Variants in MAGI1 observed in about 807,000 individuals in gnomAD.
MAGI1 encodes membrane associated guanylate kinase, WW and PDZ domain containing 1.
MAGI1 carries 58 observed loss-of-function variants against 139.9 expected under a neutral mutation model. The ratio of observed to expected loss-of-function variants is 0.41; its 90% CI spans 0.34 to 0.52. The LOEUF is 0.52. MAGI1 is among the 20% of genes least tolerant of loss of function. MAGI1 has a pLI of 0.12. For synonymous variants in MAGI1, 812 were observed against 737.9 expected, an observed-to-expected ratio of 1.10 and a Z score of -1.63; for missense variants, 1,874 against 1,901.6, an observed-to-expected ratio of 0.99 and a Z score of 0.27.
intron 1 of MAGI1, among the ~76,000 whole-genome samples, chr3:66,025,101 G>C (rs2068180080): frequency 6.6e-6 from 1 of 152,148 alleles, no homozygotes; most frequent in African/African-American, 2.4e-5. Flanking sequence ...TATGAGGGTA[G>C]TCATCAATAT....
chr3:65,458,282 A>C (rs982560467), intron 5 of MAGI1, among the ~76,000 whole-genome samples: 1 of 151,948 alleles, frequency 6.6e-6, no homozygotes, highest in Non-Finnish European at 1.5e-5. Context: ...TATCTCTTCA[A>C]TATACTGATT....
intron 10 of MAGI1, among the ~76,000 whole-genome samples, chr3:65,435,556 T>C (rs1441953404): frequency 1.3e-5 from 2 of 152,092 alleles, no homozygotes; most frequent in African/African-American, 4.8e-5. Context: ...AAAATGTATA[T>C]CAAGGGATTA....
At position 65,811,070 on chromosome 3, in the gene MAGI1, A is replaced by G. The variant is rs576802478; in HGVS notation, c.314-188982T>C. On this transcript the variant is annotated intron_variant, in intron 1 of 22. Transcript: ENST00000402939. Reference sequence around the variant, plus strand: ...CACTTGCCTTCTCAATCAAGTATTGAATGTTAGGTTCTGAAAACTAACTAT... The same window carrying G: ...CACTTGCCTTCTCAATCAAGTATTGGATGTTAGGTTCTGAAAACTAACTAT... Among the ~76,000 whole-genome samples, 25 of 152,344 alleles carry G rather than the reference A, an allele frequency of 1.6e-4. 1 individual carries two copies. Among genetic ancestry groups the G allele is most frequent in the Non-Finnish European group, 2.4e-4 (16 of 68,036 alleles).
chr3:65,934,939 A>T (rs569583595), intron 1 of MAGI1, among the ~76,000 whole-genome samples: 2 of 152,300 alleles, frequency 1.3e-5, no homozygotes, highest in South Asian at 2.1e-4. Context: ...AAACACAGTA[A>T]AGAACAACAC....
At chr3:65,890,406 T>C (rs576504848) in intron 1 of MAGI1, among the ~76,000 whole-genome samples, 7 of 152,106 alleles carry the variant, frequency 4.6e-5, no homozygotes, top group Admixed American at 3.9e-4. Flanking sequence ...TCATATGCCT[T>C]CCCAACTCAC....
At chr3:65,564,293 G>C (rs1167483764) in intron 2 of MAGI1, among the ~76,000 whole-genome samples, 1 of 150,940 alleles carries the variant, frequency 6.6e-6, no homozygotes, top group Non-Finnish European at 1.5e-5. Context: ...CTATTTTCAA[G>C]ATTCTTTCCT....
intron 1 of MAGI1, among the ~76,000 whole-genome samples, chr3:65,662,108 T>TAA (rs2086233111): frequency 1.4e-5 from 2 of 148,044 alleles, no homozygotes; most frequent in Admixed American, 1.3e-4. Flanking sequence ...CCAAGAACTT[T>TAA]CACAAGTTCA....
chr3:65,471,239 T>C (rs2107584879), intron 4 of MAGI1, among the ~76,000 whole-genome samples: 1 of 152,272 alleles, frequency 6.6e-6, no homozygotes, highest in South Asian at 2.1e-4. Context: ...AGGGGTGATG[T>C]CATCAAAGTA....
intron 21 of MAGI1, among the ~76,000 whole-genome samples, chr3:65,362,655 G>A (rs559297420): frequency 1.3e-5 from 2 of 152,250 alleles, no homozygotes; most frequent in African/African-American, 2.4e-5. Flanking sequence ...CAAGTGTTAC[G>A]ATCCTCACCC....
At chr3:65,972,206 C>G (rs2065044583) in intron 1 of MAGI1, among the ~76,000 whole-genome samples, 5 of 152,250 alleles carry the variant, frequency 3.3e-5, no homozygotes, top group African/African-American at 1.2e-4. Context: ...ACACTAGCAG[C>G]AGAAAAGAAG....
chr3:65,524,910 T>C (rs1020531815), intron 2 of MAGI1, among the ~76,000 whole-genome samples: 2 of 152,184 alleles, frequency 1.3e-5, no homozygotes, highest in African/African-American at 4.8e-5. Context: ...AGCCCATTAA[T>C]GATCTGCAAA....
intron 2 of MAGI1, among the ~76,000 whole-genome samples, chr3:65,568,556 A>G (rs544860510): frequency 3.9e-5 from 6 of 152,186 alleles, no homozygotes; most frequent in Non-Finnish European, 7.3e-5. Flanking sequence ...TTTCATTTCT[A>G]TAGCAGTGTA....
intron 18 of MAGI1, 30 bp from the exon 19 acceptor site, chr3:65,364,976 G>T: frequency 6.3e-7 from 1 of 1,577,992 alleles, no homozygotes; most frequent in South Asian, 1.1e-5. Context: ...ATAAAGAAAT[G>T]AAGACCCCAG....
chr3:66,038,833 A>C lies in MAGI1; in HGVS notation c.-525T>G, dbSNP rs1438565952. ...AAGTGCTCGCGGCCCCTTTAAGCAG[A>C]TACAAAGGCTCGGCTTGTTTTGTTA... On this transcript the variant is annotated 5_prime_UTR_variant, in exon 1 of 23. Coordinates refer to ENST00000402939, the MANE Select transcript of MAGI1 (RefSeq NM_001033057.2). 6.5e-6 allele frequency: 1 copy of C among 152,842 alleles called. No individual in the cohort carries two copies. Among genetic ancestry groups the C allele is most frequent in the African/African-American group, 2.4e-5 (1 of 41,456 alleles). 9.5% of individuals were successfully genotyped at this position (152,842 alleles called of 1,614,324 possible).
Position 65,356,683 on chromosome 3 carries a change from T to G in MAGI1, c.4084A>C (p.Arg1362=). 1.3e-6 allele frequency: 2 copies of G among 1,590,264 alleles called. No homozygotes were observed. Among genetic ancestry groups the G allele is most frequent in the South Asian group, 1.2e-5 (1 of 86,956 alleles). ...ERRRERSPTR[R]RDGSPSRRRR... is the part of the protein sequence containing the mutation. ...CGCCGGCTGGGGGAGCCGTCTCTCC[T>G]GCGGGTGGGTGACCGCTCTCGCCTC... The change falls in exon 23 of 23, where the codon AGG becomes CGG. Residue 1362 remains arginine (R), a synonymous_variant. Transcript: ENST00000402939.
intron 1 of MAGI1, among the ~76,000 whole-genome samples, chr3:65,808,505 CAAATA>C (rs2041020448): frequency 6.6e-6 from 1 of 151,988 alleles, no homozygotes; most frequent in Admixed American, 6.6e-5. Flanking sequence ...CTCAAAAAAA[CAAATA>C]AATAAAATAA....
chr3:65,817,014 T>G (rs2041648118), intron 1 of MAGI1, among the ~76,000 whole-genome samples: 1 of 152,232 alleles, frequency 6.6e-6, no homozygotes, highest in Non-Finnish European at 1.5e-5. Flanking sequence ...CAATCATACA[T>G]GCAGAATAAA....
At chr3:65,530,645 G>A (rs1420187281) in intron 2 of MAGI1, among the ~76,000 whole-genome samples, 2 of 128,146 alleles carry the variant, frequency 1.6e-5, no homozygotes, top group African/African-American at 8.3e-5. Flanking sequence ...GTGTGTGTGT[G>A]TGTGTGTGTG....
intron 12 of MAGI1, chr3:65,401,804 G>T: frequency 7.5e-7 from 1 of 1,324,818 alleles, no homozygotes; most frequent in Non-Finnish European, 9.7e-7. Context: ...GATTAAGAGA[G>T]ACTTAACTTA....
Sources: allele counts gnomAD v4.1 joint callset (sites outside exome capture counted in the v4.1 genomes callset), GRCh38; gene constraint gnomAD v4.1.1; transcripts MANE v1.5; gene names NCBI Gene and HGNC (gene_info 2026-07-23, HGNC 2026-07-21).